DACH2: variants seen among roughly 807,000 people sequenced by gnomAD.
DACH2 encodes dachshund homolog 2.
DACH2 carries 17 observed loss-of-function variants against 35.8 expected under a neutral mutation model. The observed-to-expected ratio is 0.48, with a 90% confidence interval of 0.33 to 0.71. The LOEUF (loss-of-function observed/expected upper bound fraction) is 0.71. Among genes scored for constraint, DACH2 ranks in the 30% least tolerant of loss-of-function variants. DACH2 has a pLI of 0.02. For synonymous variants in DACH2, 195 were observed against 177.3 expected (o/e 1.10, Z -0.79); for missense variants, 469 against 472.7 (o/e 0.99, Z 0.07).
At chrX:86,190,632 C>A (rs772219015) in intron 1 of DACH2, among the ~76,000 whole-genome samples, 8 of 112,213 alleles carry the variant, frequency 7.1e-5, no homozygotes, top group Non-Finnish European at 1.3e-4. Flanking sequence ...CATCTCATAT[C>A]AGTCAAAATT....
At chrX:86,324,671 C>T (rs780866842) in intron 1 of DACH2, among the ~76,000 whole-genome samples, 7 of 98,603 alleles carry the variant, frequency 7.1e-5, no homozygotes, top group Admixed American at 3.5e-4. Flanking sequence ...CTCCGCCTCC[C>T]GGGTTCACAC....
intron 1 of DACH2, among the ~76,000 whole-genome samples, chrX:86,271,423 A>G (rs2033811807): frequency 8.9e-6 from 1 of 112,126 alleles, no homozygotes; most frequent in African/African-American, 3.2e-5. Context: ...TATTTCTATA[A>G]TATATTTGCC....
intron 1 of DACH2, among the ~76,000 whole-genome samples, chrX:86,206,100 A>G (rs1304123384): frequency 9.0e-6 from 1 of 111,465 alleles, no homozygotes; most frequent in East Asian, 2.8e-4. Context: ...GAGCTAGTGC[A>G]ATCTGCATTA....
At chrX:86,192,932 G>A (rs2031875409) in intron 1 of DACH2, among the ~76,000 whole-genome samples, 1 of 112,064 alleles carries the variant, frequency 8.9e-6, no homozygotes, top group Non-Finnish European at 1.9e-5. Flanking sequence ...ATGATTTGGA[G>A]AATCACAGCC....
At chrX:86,424,128 G>GT (rs923078185) in intron 2 of DACH2, among the ~76,000 whole-genome samples, 86 of 108,403 alleles carry the variant, frequency 7.9e-4, no homozygotes, top group Middle Eastern at 4.8e-3. Context: ...GATTCCTCCA[G>GT]TTTTTTTTTC....
chrX:86,500,277 G>A (rs768784408), intron 2 of DACH2, among the ~76,000 whole-genome samples: 1 of 111,535 alleles, frequency 9.0e-6, no homozygotes, highest in African/African-American at 3.3e-5. Flanking sequence ...GTTCATAGGA[G>A]GATGTAAACC....
Position 86,547,515 on chromosome X carries a change from G to A in DACH2, c.640+33124G>A, listed in dbSNP as rs181923113. ...CATTTTAGAGAAAATGAAACCTAAC[G>A]TGCTGCAGAACACACACACACACAC... On this transcript the variant is annotated intron_variant, in intron 3 of 11. Coordinates refer to ENST00000373125, the MANE Select transcript of DACH2 (RefSeq NM_053281.3). Among the ~76,000 whole-genome samples, 225 of 86,554 alleles carry A rather than the reference G, an allele frequency of 2.6e-3. 2 individuals are homozygous for A. Among genetic ancestry groups the A allele is most frequent in the Admixed American group, 0.019 (142 of 7,509 alleles). The allele number at this position is 86,554 out of a possible 115,157, so 75.2% of individuals were successfully genotyped here.
intron 7 of DACH2, among the ~76,000 whole-genome samples, chrX:86,805,796 A>G (rs2042338826): frequency 8.9e-6 from 1 of 112,199 alleles, no homozygotes; most frequent in African/African-American, 3.2e-5. Flanking sequence ...GAGCAGGCAC[A>G]CAATGCAGCA....
chrX:86,600,372 C>T (rs747769260), intron 3 of DACH2, among the ~76,000 whole-genome samples: 11 of 112,050 alleles, frequency 9.8e-5, no homozygotes, highest in African/African-American at 3.2e-4. Context: ...GAACTATATG[C>T]TGTATATTTT....
chrX:86,408,852 C>A (rs866465732), intron 2 of DACH2, among the ~76,000 whole-genome samples: 14 of 111,497 alleles, frequency 1.3e-4, no homozygotes, highest in African/African-American at 4.6e-4. Context: ...TGTTTTGTTA[C>A]CCTGGATGAT....
intron 1 of DACH2, among the ~76,000 whole-genome samples, chrX:86,340,089 T>C (rs1171892626): frequency 8.9e-6 from 1 of 112,142 alleles, no homozygotes; most frequent in Admixed American, 9.5e-5. Flanking sequence ...AAAAACACTA[T>C]TTTTACTTTT....
chrX:86,700,105 T>C (rs1479161447), intron 5 of DACH2, among the ~76,000 whole-genome samples: 2 of 97,772 alleles, frequency 2.0e-5, no homozygotes, highest in Non-Finnish European at 2.1e-5. Flanking sequence ...GATTGTTTTA[T>C]GTTTGATTAT....
chrX:86,360,982 C>A (rs1239815514), intron 1 of DACH2, among the ~76,000 whole-genome samples: 3 of 110,739 alleles, frequency 2.7e-5, no homozygotes, highest in African/African-American at 9.8e-5. Flanking sequence ...CCTAAAAAAA[C>A]CTACCATTAA....
At chrX:86,360,576 T>C (rs1381974462) in intron 1 of DACH2, among the ~76,000 whole-genome samples, 1 of 111,582 alleles carries the variant, frequency 9.0e-6, no homozygotes, top group Non-Finnish European at 1.9e-5. Context: ...ATACATGCTT[T>C]CACCCTATCG....
At chrX:86,228,362 C>T (rs1020123307) in intron 1 of DACH2, among the ~76,000 whole-genome samples, 4 of 109,190 alleles carry the variant, frequency 3.7e-5, no homozygotes, top group African/African-American at 1.3e-4. Flanking sequence ...GTTGGTTCCA[C>T]GATTTTGCTA....
At chrX:86,727,207 A>G (rs1208715861) in intron 6 of DACH2, among the ~76,000 whole-genome samples, 1 of 111,777 alleles carries the variant, frequency 8.9e-6, no homozygotes, top group Non-Finnish European at 1.9e-5. Flanking sequence ...TGACAAATCC[A>G]CTATGAATTA....
intron 1 of DACH2, among the ~76,000 whole-genome samples, chrX:86,156,943 A>G (rs59660766): frequency 0.018 from 2,024 of 111,375 alleles, 54 homozygotes; most frequent in African/African-American, 0.062. Flanking sequence ...TGCATGAAGT[A>G]TCCTCCTCAC....
intron 2 of DACH2, among the ~76,000 whole-genome samples, chrX:86,500,234 C>T (rs1174837102): frequency 1.8e-5 from 2 of 111,432 alleles, no homozygotes; most frequent in Admixed American, 9.6e-5. Context: ...AGTATGTCTT[C>T]GCCGATTAAA....
At chrX:86,685,410 T>C (rs888723000) in intron 4 of DACH2, among the ~76,000 whole-genome samples, 3 of 111,991 alleles carry the variant, frequency 2.7e-5, no homozygotes, top group Admixed American at 9.5e-5. Context: ...TTTGGTTACA[T>C]ATAAAATAAA....
Sources: allele counts gnomAD v4.1 joint callset (sites outside exome capture counted in the v4.1 genomes callset), GRCh38; gene constraint gnomAD v4.1.1; transcripts MANE v1.5; gene names NCBI Gene and HGNC (gene_info 2026-07-23, HGNC 2026-07-21).